CEP290: variants seen among roughly 807,000 people sequenced by gnomAD.
The protein encoded by CEP290 is centrosomal protein of 290 kDa.
CEP290 carries 317 observed loss-of-function variants against 344.9 expected under a neutral mutation model. The ratio of observed to expected loss-of-function variants is 0.92; its 90% CI spans 0.84 to 1.01. The LOEUF is 1.01. CEP290 is among the 50% of genes least tolerant of loss of function. CEP290 has a pLI of 0.00. For synonymous variants in CEP290, 932 were observed against 895.8 expected, an observed-to-expected ratio of 1.04 and a Z score of -0.72; for missense variants, 2,754 against 2,761.4, an observed-to-expected ratio of 1.00 and a Z score of 0.06.
chr12:88,106,936 G>C (rs1398681264), intron 24 of CEP290, 31 bp from the exon 25 acceptor site: 3 of 1,566,882 alleles, frequency 1.9e-6, no homozygotes, highest in South Asian at 2.3e-5. Context: ...ATTACTTGTT[G>C]AATCTAGCTA....
At chr12:88,050,252 G>A in intron 53 of CEP290, 102 bp downstream of exon 53, 1 of 639,538 alleles carries the variant, frequency 1.6e-6, no homozygotes, top group Admixed American at 3.0e-5. Flanking sequence ...AATATAAGAT[G>A]TTATTACTGA....
In CEP290 at chr12:88,063,546, C is replaced by CT. The variant is rs1272476770; in HGVS notation, c.6270+434dup. On this transcript the variant is annotated intron_variant, in intron 45 of 53. Transcript: ENST00000552810. ...TTCTAGTATCTGTATGACTCACTTC[C>CT]TTTACCCCTCCTTAGCTCTCTGTTC... Among the ~76,000 whole-genome samples, 5 of 152,048 alleles carry CT rather than the reference C, an allele frequency of 3.3e-5. No individual in the cohort carries two copies. The East Asian group carries it at 9.6e-4, about 29-fold the overall frequency.
Position 88,102,904 on chromosome 12 carries a change from C to CT in CEP290, c.2924dup (p.Tyr976ValfsTer9). The CT allele has an allele frequency of 6.2e-7, 1 of 1,610,986 alleles. No individual in the cohort carries two copies. Among genetic ancestry groups the CT allele is most frequent in the Non-Finnish European group, 8.5e-7 (1 of 1,178,730 alleles). The stretch of plus-strand genomic sequence containing the variant: ...TATCTTTTTGCAAGATGTCCCTGTA[C>CT]TTAGCAGTCAGTTCATTGTACTGTT... On this transcript the variant is annotated frameshift_variant, in exon 26 of 54. Coordinates refer to ENST00000552810, the MANE Select transcript of CEP290 (RefSeq NM_025114.4). LOFTEE classifies it high-confidence loss of function.
At position 88,083,119 on chromosome 12, in the gene CEP290, C is replaced by T. The variant is rs1292534003; in HGVS notation, c.4924G>A (p.Val1642Ile). ...EQDDSLSSLL[V>I]KLKKVSQDLE... ...TCTTGTGATACTTTCTTTAGTTTGA[C>T]CAAGAGTGAGGAAAGAGAGTCATCT... is the stretch of plus-strand genomic sequence containing the variant. Residue 1642 changes from valine (V) to isoleucine (I), a missense_variant, in exon 37 of 54, where the codon GTC becomes ATC. Coordinates refer to ENST00000552810, the MANE Select transcript of CEP290 (RefSeq NM_025114.4). 1.9e-6 allele frequency: 3 copies of T among 1,545,758 alleles called. No homozygotes were observed. Among genetic ancestry groups the T allele is most frequent in the South Asian group, 2.5e-5 (2 of 81,286 alleles).
In CEP290 at chr12:88,093,826, T is replaced by C. The variant is rs966339864; in HGVS notation, c.3253A>G (p.Thr1085Ala). 2 of 1,612,624 alleles carry C rather than the reference T, an allele frequency of 1.2e-6. No individual in the cohort carries two copies. The highest frequency in any genetic ancestry group is 3.3e-5 in the Admixed American group (2 of 59,882). ...HCQKMYEHLR[T>A]SLKQMEERNF... Reference sequence around the variant, plus strand: ...CGTTCCTCCATTTGCTTTAACGAAGTCCGTAAGTGTTCATACATTTTTTGA... The same window carrying C: ...CGTTCCTCCATTTGCTTTAACGAAGCCCGTAAGTGTTCATACATTTTTTGA... Residue 1085 changes from threonine to alanine, a missense_variant, in exon 28 of 54, where the codon ACT becomes GCT. Transcript: ENST00000552810.
rs1033661984 is a variant in CEP290, at chr12:88,049,016, TAAG to T, written c.*165_*167del. Reference sequence around the variant, plus strand: ...AGTCTTCAAGTATATACTTTTATAATAAGTTGAAAATTTCATATAATTTTATTT... The same window carrying T: ...AGTCTTCAAGTATATACTTTTATAATTTGAAAATTTCATATAATTTTATTT... On this transcript the variant is annotated 3_prime_UTR_variant, in exon 54 of 54. Transcript: ENST00000552810. 9 of 424,528 alleles carry T rather than the reference TAAG, an allele frequency of 2.1e-5. No individual in the cohort carries two copies. In the South Asian group the frequency reaches 7.1e-4, roughly 34 times the overall value. The allele number at this position is 424,528 out of a possible 1,614,324, so 26.3% of individuals were successfully genotyped here. A position where few individuals can be genotyped will look rare whatever the true frequency, so the allele number is the denominator to read the frequency against.
chr12:88,117,141 T>C lies in CEP290; in HGVS notation c.1716A>G (p.Leu572=), dbSNP rs372349042. ...CAGTTAGGTTCAGGTCCTCAGTGGT[T>C]AATCCTATATATAAGAGAATTAACA... ...ERGKRSATSG[L]TTEDLNLTEN... The change falls in exon 18 of 54, where the codon TTA becomes TTG. Residue 572 remains leucine, a synonymous_variant. Coordinates refer to ENST00000552810, the MANE Select transcript of CEP290 (RefSeq NM_025114.4). 288 of 1,440,628 alleles carry C rather than the reference T, an allele frequency of 2.0e-4. No individual in the cohort carries two copies. The African/African-American group carries it at 3.7e-3, about 18-fold the overall frequency. 89.2% of individuals were successfully genotyped at this position (1,440,628 alleles called of 1,614,324 possible). A position where few individuals can be genotyped will look rare whatever the true frequency, so the allele number is the denominator to read the frequency against.
chr12:88,108,912 A>G (rs1307077564), intron 23 of CEP290, among the ~76,000 whole-genome samples, 154 bp downstream of exon 23: 1 of 152,142 alleles, frequency 6.6e-6, no homozygotes, highest in East Asian at 1.9e-4. Flanking sequence ...GTCTCCATAA[A>G]TAAGTTCCTA....
chr12:88,055,596 T>A lies in CEP290; in HGVS notation c.6940A>T (p.Asn2314Tyr). The A allele has an allele frequency of 6.3e-7, 1 of 1,580,750 alleles. No homozygotes were observed. Among genetic ancestry groups the A allele is most frequent in the Non-Finnish European group, 8.6e-7 (1 of 1,163,206 alleles). Residue 2314 changes from asparagine to tyrosine, a missense_variant, in exon 50 of 54, where the codon AAT becomes TAT. Physicochemically the swap from Asn to Tyr is moderately radical, Grantham distance 143. Transcript: ENST00000552810. ...TEREQKVNKY[N>Y]EDLEQQIKIL... ...CTTACCTGTTGTTCAAGGTCTTCAT[T>A]GTATTTGTTAACTTTTTGTTCTCTC...
At position 88,084,469 on chromosome 12, in the gene CEP290, C is replaced by G; in HGVS notation, c.4704+117G>C. On this transcript the variant is annotated intron_variant, in intron 35 of 53. Coordinates refer to ENST00000552810, the MANE Select transcript of CEP290 (RefSeq NM_025114.4). ...ATCCAATCACATGCAAGTAACAATT[C>G]TTAAATAGAATCATTTGAAAGCAAG... is the stretch of plus-strand genomic sequence containing the variant. The G allele has an allele frequency of 3.1e-6, 3 of 973,078 alleles. No homozygotes were observed. In the African/African-American group the frequency reaches 4.9e-5, roughly 16 times the overall value. 60.3% of individuals were successfully genotyped at this position (973,078 alleles called of 1,614,324 possible). A position where few individuals can be genotyped will look rare whatever the true frequency, so the allele number is the denominator to read the frequency against.
intron 3 of CEP290, among the ~76,000 whole-genome samples, chr12:88,139,848 T>A (rs549689625): frequency 1.3e-5 from 2 of 152,230 alleles, no homozygotes; most frequent in South Asian, 4.1e-4. Flanking sequence ...CCCATCTCAG[T>A]CTCCTGAGTA....
intron 10 of CEP290, among the ~76,000 whole-genome samples, chr12:88,129,238 A>T (rs1197580879): frequency 6.6e-6 from 1 of 151,976 alleles, no homozygotes; most frequent in East Asian, 1.9e-4. Context: ...TATAGGTGAC[A>T]TTTAATAGTT....
chr12:88,091,458 G>A (rs769668335), intron 29 of CEP290, among the ~76,000 whole-genome samples: 1 of 150,360 alleles, frequency 6.7e-6, no homozygotes, highest in Non-Finnish European at 1.5e-5. Context: ...ATTCCCTCAT[G>A]AATACTGTGA....
Position 88,049,337 on chromosome 12 carries a change from A to ATACTT in CEP290, c.7282_7286dup (p.Tyr2429Ter), listed in dbSNP as rs2136546576. The ATACTT allele has an allele frequency of 6.3e-7, 1 of 1,583,484 alleles. No homozygotes were observed. Among genetic ancestry groups the ATACTT allele is most frequent in the South Asian group, 1.2e-5 (1 of 86,094 alleles). On this transcript the variant is annotated stop_gained and frameshift_variant, in exon 54 of 54. Coordinates refer to ENST00000552810, the MANE Select transcript of CEP290 (RefSeq NM_025114.4). LOFTEE classifies it high-confidence loss of function. ...TCTTCTTCACTTCTTCCTTGTAATT[A>ATACTT]TACTTAAGATCTTCAATTTCTTCAA... is the stretch of plus-strand genomic sequence containing the variant.
intron 28 of CEP290, 61 bp downstream of exon 28, chr12:88,093,709 A>G: frequency 7.8e-7 from 1 of 1,278,038 alleles, no homozygotes; most frequent in Admixed American, 2.0e-5. Flanking sequence ...ACAATAATAC[A>G]ATGTCTACCA....
rs779561006 is a variant in CEP290, at chr12:88,096,910, G to T, written c.3081C>A (p.Ala1027=). The stretch of plus-strand genomic sequence containing the variant: ...TACCTAATTTAGTTTCCTGTTCCCA[G>T]GCTTGTTCAATAGTGTGAAGTTTTT... ...TKEKLHTIEQ[A]WEQETKLGNE... The change falls in exon 27 of 54, where the codon GCC becomes GCA. Residue 1027 remains alanine, a synonymous_variant. Transcript: ENST00000552810. 1.3e-6 allele frequency: 2 copies of T among 1,569,450 alleles called. No individual in the cohort carries two copies. Among genetic ancestry groups the T allele is most frequent in the South Asian group, 2.4e-5 (2 of 84,966 alleles).
intron 37 of CEP290, among the ~76,000 whole-genome samples, chr12:88,081,659 TC>T (rs2036209299): frequency 6.6e-6 from 1 of 152,204 alleles, no homozygotes; most frequent in South Asian, 2.1e-4. Flanking sequence ...ATCCATAATC[TC>T]CTAATACATA....
At chr12:88,054,789 T>C (rs1041579679) in intron 50 of CEP290, among the ~76,000 whole-genome samples, 2 of 152,004 alleles carry the variant, frequency 1.3e-5, no homozygotes, top group Non-Finnish European at 2.9e-5. Context: ...GCAAGTAGTA[T>C]AGGGTTAGGG....
chr12:88,122,196 A>G (rs1453091990), intron 13 of CEP290, among the ~76,000 whole-genome samples: 2 of 152,086 alleles, frequency 1.3e-5, no homozygotes, highest in Non-Finnish European at 2.9e-5. Context: ...GTCCCCCAGT[A>G]TCTATTCTCC....
Sources: allele counts gnomAD v4.1 joint callset (sites outside exome capture counted in the v4.1 genomes callset), GRCh38; gene constraint gnomAD v4.1.1; transcripts MANE v1.5; gene names NCBI Gene and HGNC (gene_info 2026-07-23, HGNC 2026-07-21).